Variants in DYNC1LI1 observed in about 807,000 individuals in gnomAD.
DYNC1LI1 encodes the protein dynein cytoplasmic 1 light intermediate chain 1.
In DYNC1LI1, 19 loss-of-function variants were observed where a neutral mutation model predicts 63.8. The observed-to-expected ratio is 0.30, with a 90% CI of 0.21 to 0.44. The LOEUF is 0.44. Ranked by LOEUF, DYNC1LI1 falls within the 20% of genes least tolerant of loss-of-function variation. The pLI is 1.00. For missense variants in DYNC1LI1, 565 were observed against 630.2 expected (o/e 0.90, Z 1.11); for synonymous variants, 225 against 232.3 (o/e 0.97, Z 0.28).
chr3:32,534,563 C>T lies in DYNC1LI1; in HGVS notation c.916G>A (p.Gly306Arg). ...VYKYIVQKLY[G>R]FPYKIPAVVV... is the part of the protein sequence containing the mutation. ...ACAGCAGGAATCTTATAGGGAAATC[C>T]ATATAGTTTCTGAACGATGTATTTA... Residue 306 changes from glycine (G) to arginine (R), a missense_variant, in exon 7 of 13, where the codon GGA becomes AGA. Physicochemically the swap from Gly to Arg is moderately radical, Grantham distance 125. Transcript: ENST00000273130. The T allele has an allele frequency of 6.3e-7, 1 of 1,598,996 alleles. No homozygotes were observed. The highest frequency in any genetic ancestry group is 8.5e-7 in the Non-Finnish European group (1 of 1,169,940).
chr3:32,570,537 C>T, intron 1 of DYNC1LI1, 88 bp downstream of exon 1: 1 of 1,495,800 alleles, frequency 6.7e-7, no homozygotes. Context: ...CCGGGCCCGG[C>T]GCCGAGCTCC....
chr3:32,536,981 C>A, intron 6 of DYNC1LI1, 30 bp downstream of exon 6: 1 of 1,263,946 alleles, frequency 7.9e-7, no homozygotes. Context: ...AAGTGATACA[C>A]TGAATCAATA....
intron 2 of DYNC1LI1, among the ~76,000 whole-genome samples, chr3:32,556,454 C>T (rs1166948131): frequency 2.0e-5 from 3 of 152,244 alleles, no homozygotes; most frequent in Non-Finnish European, 2.9e-5. Context: ...TTTAAGGAGA[C>T]TGCTTGCTTA....
chr3:32,537,972 ATT>A lies in DYNC1LI1; in HGVS notation c.739-870_739-869del, dbSNP rs1476444286. Among the ~76,000 whole-genome samples, 15 of 2,136 alleles carry A rather than the reference ATT, an allele frequency of 7.0e-3. No individual in the cohort carries two copies. The East Asian group carries it at 0.083, about 12-fold the overall frequency. 1.4% of individuals were successfully genotyped at this position (2,136 alleles called of 152,430 possible). The stretch of plus-strand genomic sequence containing the variant: ...TAATTTATATATATAATATATATAT[ATT>A]TATATATAATATATATATATAATTT... On this transcript the variant is annotated intron_variant, in intron 5 of 12. Coordinates refer to ENST00000273130, the MANE Select transcript of DYNC1LI1 (RefSeq NM_016141.4).
chr3:32,570,173 T>C, intron 2 of DYNC1LI1, 173 bp downstream of exon 2: 1 of 714,954 alleles, frequency 1.4e-6, no homozygotes, highest in Non-Finnish European at 2.5e-6. Flanking sequence ...AGGTCCTGGG[T>C]CAAGGGTCTC....
chr3:32,534,998 A>G (rs914255633), intron 6 of DYNC1LI1, among the ~76,000 whole-genome samples: 1 of 152,206 alleles, frequency 6.6e-6, no homozygotes, highest in Non-Finnish European at 1.5e-5. Context: ...TAGAGGGGAT[A>G]TTATTTATCA....
intron 2 of DYNC1LI1, among the ~76,000 whole-genome samples, chr3:32,569,503 C>A (rs1011222457): frequency 6.6e-6 from 1 of 152,058 alleles, no homozygotes; most frequent in Non-Finnish European, 1.5e-5. Context: ...ACACCAAATA[C>A]CAAAGTTTTT....
chr3:32,546,031 G>A, intron 2 of DYNC1LI1, 66 bp from the exon 3 acceptor site: 1 of 1,150,996 alleles, frequency 8.7e-7, no homozygotes. Flanking sequence ...ATGCTTTCTA[G>A]TACCAAGTGA....
chr3:32,557,337 G>A (rs982558843), intron 2 of DYNC1LI1, among the ~76,000 whole-genome samples: 8 of 151,802 alleles, frequency 5.3e-5, no homozygotes, highest in Non-Finnish European at 7.4e-5. Context: ...CCAACATGAC[G>A]AAACCCTATC....
At chr3:32,545,670 A>G (rs1697942867) in intron 3 of DYNC1LI1, 179 bp downstream of exon 3, 1 of 612,838 alleles carries the variant, frequency 1.6e-6, no homozygotes, top group Non-Finnish European at 2.9e-6. Flanking sequence ...TAAAAGTATC[A>G]TATATGAATC....
At chr3:32,535,761 C>T (rs1697766056) in intron 6 of DYNC1LI1, among the ~76,000 whole-genome samples, 1 of 152,154 alleles carries the variant, frequency 6.6e-6, no homozygotes. Flanking sequence ...CTGATAAATA[C>T]ATACCTCATT....
rs1208572962 is a variant in DYNC1LI1 at position 32,570,835 on chromosome 3, T to TGGAGGCGGC, written c.-74_-66dup. 9 of 1,437,826 alleles carry TGGAGGCGGC rather than the reference T, an allele frequency of 6.3e-6. No individual in the cohort carries two copies. Among genetic ancestry groups the TGGAGGCGGC allele is most frequent in the African/African-American group, 2.9e-5 (2 of 68,830 alleles). 89.1% of individuals were successfully genotyped at this position (1,437,826 alleles called of 1,614,324 possible). On this transcript the variant is annotated 5_prime_UTR_variant, in exon 1 of 13. Coordinates refer to ENST00000273130, the MANE Select transcript of DYNC1LI1 (RefSeq NM_016141.4). ...TGCGAGGCGGCTGAGGCGGTGGCGG[T>TGGAGGCGGC]GGAGGCGGCGGGAACCCGGATATGG...
At chr3:32,561,694 T>G (rs1698197215) in intron 2 of DYNC1LI1, among the ~76,000 whole-genome samples, 2 of 151,962 alleles carry the variant, frequency 1.3e-5, no homozygotes, top group Non-Finnish European at 2.9e-5. Context: ...TAGAAAGATT[T>G]AAAAGACCTA....
chr3:32,548,669 A>G (rs2125439585), intron 2 of DYNC1LI1, among the ~76,000 whole-genome samples: 1 of 152,326 alleles, frequency 6.6e-6, no homozygotes, highest in Admixed American at 6.5e-5. Flanking sequence ...TACCTTCAAG[A>G]GACCTATTGT....
chr3:32,566,538 C>G lies in DYNC1LI1; in HGVS notation c.220+3808G>C, dbSNP rs575745422. 5.5e-5 allele frequency: 12 copies of G among 219,098 alleles called. No individual in the cohort carries two copies. In the South Asian group the frequency reaches 5.6e-4, roughly 10 times the overall value. 13.6% of individuals were successfully genotyped at this position (219,098 alleles called of 1,614,324 possible). A position where few individuals can be genotyped will look rare whatever the true frequency, so the allele number is the denominator to read the frequency against. On this transcript the variant is annotated intron_variant, in intron 2 of 12. Transcript: ENST00000273130. ...GGTAGATCACCTGAGGTCAGGAGTT[C>G]GAGACCAGCCTGACCAACATGGAGA...
At chr3:32,529,748 A>C in intron 10 of DYNC1LI1, 88 bp from the exon 11 acceptor site, 1 of 1,192,878 alleles carries the variant, frequency 8.4e-7, no homozygotes. Context: ...TTACTTTGCA[A>C]CTATCCCCTG....
At chr3:32,529,804 C>G (rs1457545631) in intron 10 of DYNC1LI1, 144 bp from the exon 11 acceptor site, 5 of 632,714 alleles carry the variant, frequency 7.9e-6, no homozygotes, top group Non-Finnish European at 1.3e-5. Context: ...AAATTGTTAG[C>G]AATCCTGTCC....
rs1697680385 is a variant in DYNC1LI1 at position 32,530,457 on chromosome 3, A to G, written c.1140+4T>C. On this transcript the variant is annotated splice_donor_region_variant and intron_variant, in intron 9 of 12. Coordinates refer to ENST00000273130, the MANE Select transcript of DYNC1LI1 (RefSeq NM_016141.4). ...CTAAGTCTGCTTCTGATATAATTTC[A>G]TACCTGTAGCTTCATAAGAAACACC... is the stretch of plus-strand genomic sequence containing the variant. 1 of 1,613,292 alleles carries G rather than the reference A, an allele frequency of 6.2e-7. No individual in the cohort carries two copies.
In DYNC1LI1 at chr3:32,547,377, T is replaced by C. The variant is rs146594620; in HGVS notation, c.221-1412A>G. Among the ~76,000 whole-genome samples the C allele has an allele frequency of 5.9e-5, 9 of 152,358 alleles. No individual in the cohort carries two copies. The East Asian group carries it at 1.7e-3, about 29-fold the overall frequency. ...GAATCATAGTAATAGTATTTATAGA[T>C]ATAAAACTGGAGTTGCTTGAATCTA... On this transcript the variant is annotated intron_variant, in intron 2 of 12. Coordinates refer to ENST00000273130, the MANE Select transcript of DYNC1LI1 (RefSeq NM_016141.4).
Sources: allele counts gnomAD v4.1 joint callset (sites outside exome capture counted in the v4.1 genomes callset), GRCh38; gene constraint gnomAD v4.1.1; transcripts MANE v1.5; gene names NCBI Gene and HGNC (gene_info 2026-07-23, HGNC 2026-07-21).